NCK1: variants seen among roughly 807,000 people sequenced by gnomAD.
NCK1 encodes the protein NCK adaptor protein 1.
In NCK1, 19 loss-of-function variants were observed where a neutral mutation model predicts 36.6. The observed-to-expected ratio is 0.52, with a 90% CI of 0.36 to 0.76. NCK1 has a LOEUF of 0.76. Ranked by LOEUF, NCK1 falls within the 30% of genes least tolerant of loss-of-function variation. The pLI is 0.00. For synonymous variants in NCK1, 165 were observed against 156.0 expected (o/e 1.06, Z -0.43); for missense variants, 358 against 445.6 (o/e 0.80, Z 1.77).
intron 1 of NCK1, among the ~76,000 whole-genome samples, chr3:136,917,232 CTT>C (rs11455373): frequency 4.3e-5 from 6 of 139,208 alleles, no homozygotes; most frequent in African/African-American, 5.3e-5. Flanking sequence ...ACATTATGAG[CTT>C]TTTTTTTTTT....
chr3:136,901,529 AC>A (rs1939541569), intron 1 of NCK1, among the ~76,000 whole-genome samples: 1 of 151,276 alleles, frequency 6.6e-6, no homozygotes, highest in Non-Finnish European at 1.5e-5. Flanking sequence ...TTGTTGGGAG[AC>A]TTTATTACTG....
chr3:136,898,017 A>G (rs191373562), intron 1 of NCK1, among the ~76,000 whole-genome samples: 53 of 152,344 alleles, frequency 3.5e-4, no homozygotes, highest in Non-Finnish European at 7.2e-4. Flanking sequence ...TTGAAGAAAC[A>G]GCTTTCCCTT....
rs754035940 is a variant in NCK1, at chr3:136,950,848, CACTT to C, written c.*2396_*2399del. 1.2e-4 allele frequency among the ~76,000 whole-genome samples: 18 copies of C among 152,122 alleles called. No individual in the cohort carries two copies. Among genetic ancestry groups the C allele is most frequent in the Non-Finnish European group, 2.5e-4 (17 of 67,998 alleles). On this transcript the variant is annotated 3_prime_UTR_variant, in exon 4 of 4. Transcript: ENST00000481752. ...GTGTCAGATGGAACCCTGCCTAACT[CACTT>C]CTACAAATAACTTCCCCAAAATCTT...
In NCK1 at chr3:136,867,108, CTTTCTTTCTTTGT is replaced by C. The variant is rs1560028479; in HGVS notation, c.-19+4758_-19+4770del. On this transcript the variant is annotated intron_variant, in intron 1 of 3. Coordinates refer to ENST00000481752, the MANE Select transcript of NCK1 (RefSeq NM_001291999.2). ...TCTTTCTTTCTTTCTTTCTTTCTTTCTTTCTTTCTTTGTTTCTTTCTTTCCTTCCTTCCTTCCT... is the reference window on the plus strand; with the variant it reads ...TCTTTCTTTCTTTCTTTCTTTCTTTCTTCTTTCTTTCCTTCCTTCCTTCCT... Among the ~76,000 whole-genome samples the C allele has an allele frequency of 2.3e-3, 70 of 31,030 alleles. 4 individuals are homozygous for C. The highest frequency in any genetic ancestry group is 0.025 in the Middle Eastern group (2 of 80). The allele number at this position is 31,030 out of a possible 152,430, so 20.4% of individuals were successfully genotyped here. A position where few individuals can be genotyped will look rare whatever the true frequency, so the allele number is the denominator to read the frequency against.
chr3:136,876,141 C>T (rs900291590), intron 1 of NCK1, among the ~76,000 whole-genome samples: 31 of 151,924 alleles, frequency 2.0e-4, no homozygotes, highest in African/African-American at 4.8e-4. Flanking sequence ...ATCTCTGGGA[C>T]GCATTCAAAG....
At chr3:136,930,095 C>CTT (rs1940353260) in intron 2 of NCK1, among the ~76,000 whole-genome samples, 1 of 152,070 alleles carries the variant, frequency 6.6e-6, no homozygotes, top group African/African-American at 2.4e-5. Context: ...ATAAGTCCAG[C>CTT]TTTTACATTA....
At position 136,893,147 on chromosome 3, in the gene NCK1, A is replaced by AGTGTGTGTGTGTGT. The variant is rs142883729; in HGVS notation, c.-19+30813_-19+30826dup. On this transcript the variant is annotated intron_variant, in intron 1 of 3. Coordinates refer to ENST00000481752, the MANE Select transcript of NCK1 (RefSeq NM_001291999.2). The stretch of plus-strand genomic sequence containing the variant: ...TTTTTATGGCTAAGTAATATTCCAT[A>AGTGTGTGTGTGTGT]GTGTGTGTGTGTGTGTGTGTGTGTG... 1.8e-3 allele frequency among the ~76,000 whole-genome samples: 76 copies of AGTGTGTGTGTGTGT among 41,832 alleles called. 4 individuals carry two copies. The Middle Eastern group carries it at 0.045, about 25-fold the overall frequency. The allele number at this position is 41,832 out of a possible 152,430, so 27.4% of individuals were successfully genotyped here. A position where few individuals can be genotyped will look rare whatever the true frequency, so the allele number is the denominator to read the frequency against.
intron 1 of NCK1, among the ~76,000 whole-genome samples, chr3:136,907,237 T>A (rs913471427): frequency 6.6e-6 from 1 of 152,116 alleles, no homozygotes; most frequent in Non-Finnish European, 1.5e-5. Context: ...AGACAGTTGC[T>A]GCCAGTGGCT....
intron 1 of NCK1, among the ~76,000 whole-genome samples, chr3:136,892,991 G>T (rs1196702857): frequency 6.6e-6 from 1 of 151,122 alleles, no homozygotes; most frequent in Non-Finnish European, 1.5e-5. Context: ...ATGCTTTTGC[G>T]TCCTCATAGC....
chr3:136,892,471 C>T (rs901044367), intron 1 of NCK1, among the ~76,000 whole-genome samples: 2 of 152,118 alleles, frequency 1.3e-5, no homozygotes, highest in Non-Finnish European at 2.9e-5. Context: ...ATCAATTAGT[C>T]CAGGAAAGGG....
chr3:136,941,934 G>T (rs1389903371), intron 2 of NCK1, among the ~76,000 whole-genome samples: 1 of 152,164 alleles, frequency 6.6e-6, no homozygotes, highest in Non-Finnish European at 1.5e-5. Context: ...CACCTCCCGG[G>T]TTCAAGCAAT....
At chr3:136,898,172 G>A (rs1442765151) in intron 1 of NCK1, among the ~76,000 whole-genome samples, 2 of 152,114 alleles carry the variant, frequency 1.3e-5, no homozygotes, top group Non-Finnish European at 2.9e-5. Flanking sequence ...AAGGCAGGCA[G>A]ATCACTTGAG....
At chr3:136,940,098 A>C (rs1177573951) in intron 2 of NCK1, among the ~76,000 whole-genome samples, 1 of 152,050 alleles carries the variant, frequency 6.6e-6, no homozygotes, top group African/African-American at 2.4e-5. Flanking sequence ...CCTGGGCTCA[A>C]GTGATCCCCC....
At chr3:136,937,049 C>A (rs1392368148) in intron 2 of NCK1, among the ~76,000 whole-genome samples, 5 of 152,106 alleles carry the variant, frequency 3.3e-5, no homozygotes, top group African/African-American at 9.7e-5. Flanking sequence ...TTGCTAAATC[C>A]AAGGTCACAG....
At chr3:136,920,323 A>G (rs1407393438) in intron 1 of NCK1, among the ~76,000 whole-genome samples, 2 of 152,172 alleles carry the variant, frequency 1.3e-5, no homozygotes, top group Non-Finnish European at 2.9e-5. Flanking sequence ...TCACTTTGAA[A>G]TCATCCCCAA....
At chr3:136,891,717 A>AT (rs1412775366) in intron 1 of NCK1, among the ~76,000 whole-genome samples, 1 of 151,970 alleles carries the variant, frequency 6.6e-6, no homozygotes, top group Non-Finnish European at 1.5e-5. Flanking sequence ...TGTCATCATC[A>AT]TTTTTTTAAT....
chr3:136,936,028 G>A (rs1278829414), intron 2 of NCK1, among the ~76,000 whole-genome samples: 1 of 141,686 alleles, frequency 7.1e-6, no homozygotes, highest in African/African-American at 2.6e-5. Context: ...TCCCTTTTAT[G>A]TCTAAATAAC....
At chr3:136,891,851 G>A (rs375896381) in intron 1 of NCK1, among the ~76,000 whole-genome samples, 4 of 152,276 alleles carry the variant, frequency 2.6e-5, no homozygotes, top group Admixed American at 6.5e-5. Context: ...CTTTGGAGAA[G>A]TGTCTATTCA....
chr3:136,866,072 C>G (rs1343492784), intron 1 of NCK1, among the ~76,000 whole-genome samples: 1 of 152,198 alleles, frequency 6.6e-6, no homozygotes, highest in East Asian at 1.9e-4. Context: ...ACATCCTTCA[C>G]TTTTCGGAAA....
Sources: allele counts gnomAD v4.1 joint callset (sites outside exome capture counted in the v4.1 genomes callset), GRCh38; gene constraint gnomAD v4.1.1; transcripts MANE v1.5; gene names NCBI Gene and HGNC (gene_info 2026-07-23, HGNC 2026-07-21).